PLXNA4: variants seen among roughly 807,000 people sequenced by gnomAD.
The protein encoded by PLXNA4 is plexin A4, also known as plexin-A4.
In PLXNA4, 44 loss-of-function variants were observed where a neutral mutation model predicts 191.8. That is an observed-to-expected ratio of 0.23 (90% CI 0.18 to 0.29). The LOEUF is 0.29. PLXNA4 is among the 10% of genes least tolerant of loss of function. The probability of loss-of-function intolerance (pLI) is 1.00; values close to 1 mark genes in which losing one functional copy is unlikely to be tolerated. For missense variants in PLXNA4, 1,800 were observed against 2,488.8 expected, an observed-to-expected ratio of 0.72 and a Z score of 5.89; for synonymous variants, 1,082 against 1,009.5, an observed-to-expected ratio of 1.07 and a Z score of -1.36.
chr7:132,429,245 G>T (rs1795173232), intron 3 of PLXNA4, among the ~76,000 whole-genome samples: 1 of 152,204 alleles, frequency 6.6e-6, no homozygotes, highest in South Asian at 2.1e-4. Context: ...TCCATGTGCA[G>T]GCTCCTTAAC....
At chr7:132,277,218 TG>T (rs1461785591) in intron 4 of PLXNA4, among the ~76,000 whole-genome samples, 1 of 152,140 alleles carries the variant, frequency 6.6e-6, no homozygotes, top group Non-Finnish European at 1.5e-5. Flanking sequence ...GTGGCTTAAG[TG>T]GGGGAAGCTG....
chr7:132,529,671 T>A (rs1402726885), intron 1 of PLXNA4, among the ~76,000 whole-genome samples: 10 of 150,340 alleles, frequency 6.7e-5, no homozygotes, highest in Non-Finnish European at 2.9e-5. Flanking sequence ...AGTGGTGCGA[T>A]CTCGGCTCAC....
intron 1 of PLXNA4, among the ~76,000 whole-genome samples, chr7:132,552,064 C>G (rs1043644859): frequency 6.6e-6 from 1 of 152,156 alleles, no homozygotes; most frequent in African/African-American, 2.4e-5. Context: ...ATCAATGCTG[C>G]ACATGCAGCC....
Position 132,202,737 on chromosome 7 carries a change from C to T in PLXNA4, c.2495G>A (p.Cys832Tyr). The T allele has an allele frequency of 6.2e-7, 1 of 1,610,894 alleles. No individual in the cohort carries two copies. Among genetic ancestry groups the T allele is most frequent in the Admixed American group, 1.7e-5 (1 of 59,690 alleles). ...GGCAGGGCAGTGCTGGCGCAGGGTGCACTGGCCTGGGCCCTGGCACCAGCC... is the reference window on the plus strand; with the variant it reads ...GGCAGGGCAGTGCTGGCGCAGGGTGTACTGGCCTGGGCCCTGGCACCAGCC... ...ACGWCQGPGQ[C>Y]TLRQHCPAQE... Residue 832 changes from cysteine (C) to tyrosine (Y), a missense_variant, in exon 12 of 32, where the codon TGC becomes TAC. Cys to Tyr is a radical substitution (Grantham distance 194). This residue lies in a region of PLXNA4 where 1,397 missense variants were observed against 1,880.4 expected (regional missense o/e 0.74). Transcript: ENST00000321063.
chr7:132,177,952 C>A (rs577578695), intron 20 of PLXNA4, among the ~76,000 whole-genome samples: 2 of 152,242 alleles, frequency 1.3e-5, no homozygotes, highest in South Asian at 2.1e-4. Flanking sequence ...AGGTATGGGG[C>A]CGGATTTACT....
chr7:132,459,434 A>G (rs555283290), intron 3 of PLXNA4, among the ~76,000 whole-genome samples: 1 of 152,338 alleles, frequency 6.6e-6, no homozygotes, highest in African/African-American at 2.4e-5. Context: ...GATTGGCAGT[A>G]GGAGAGGAAC....
intron 4 of PLXNA4, among the ~76,000 whole-genome samples, chr7:132,250,511 A>C (rs1336057546): frequency 1.3e-5 from 2 of 152,154 alleles, no homozygotes; most frequent in Non-Finnish European, 2.9e-5. Flanking sequence ...TCTTAGTGTA[A>C]AGGTTAAATC....
chr7:132,226,218 G>C lies in PLXNA4; in HGVS notation c.1925C>G (p.Thr642Ser). ...GCTGGTGCTGGCGAAGGTCATGCCG[G>C]TCTCCTTTGATTTGAGCTGAAGCTG... is the stretch of plus-strand genomic sequence containing the variant. ...VVQLQLKSKETGMTFASTSFV... is the reference protein window; with the variant it reads ...VVQLQLKSKESGMTFASTSFV... The change falls in exon 8 of 32, where the codon ACC (threonine) becomes AGC (serine). Residue 642 changes from threonine (T) to serine (S), a missense_variant. Around this residue, in one of 6 missense-constraint regions of PLXNA4, gnomAD observed 1,397 missense variants for 1,880.4 expected, o/e 0.74. Coordinates refer to ENST00000321063, the MANE Select transcript of PLXNA4 (RefSeq NM_020911.2). 6.2e-7 allele frequency: 1 copy of C among 1,613,930 alleles called. No homozygotes were observed.
chr7:132,177,402 A>G (rs1295217785), intron 20 of PLXNA4, among the ~76,000 whole-genome samples: 1 of 152,222 alleles, frequency 6.6e-6, no homozygotes, highest in African/African-American at 2.4e-5. Context: ...GGCTTGGGCC[A>G]GTGCAGCCCT....
At chr7:132,394,919 G>T (rs1793688856) in intron 3 of PLXNA4, among the ~76,000 whole-genome samples, 1 of 152,214 alleles carries the variant, frequency 6.6e-6, no homozygotes, top group African/African-American at 2.4e-5. Flanking sequence ...CACCAGTCAG[G>T]TGAGCCGTGG....
At chr7:132,232,389 C>T (rs964995161) in intron 5 of PLXNA4, among the ~76,000 whole-genome samples, 1 of 152,168 alleles carries the variant, frequency 6.6e-6, no homozygotes, top group Non-Finnish European at 1.5e-5. Context: ...TGACATTCTT[C>T]TCTGCATGCC....
At chr7:132,536,060 C>T (rs1448739854) in intron 1 of PLXNA4, among the ~76,000 whole-genome samples, 3 of 152,202 alleles carry the variant, frequency 2.0e-5, no homozygotes, top group African/African-American at 7.2e-5. Context: ...AACTTACCTT[C>T]GTCTTATGAC....
In PLXNA4 at chr7:132,596,610, T is replaced by C. The variant is rs1188060351; in HGVS notation, c.-87+49318A>G. On this transcript the variant is annotated intron_variant, in intron 2 of 4. Transcript: ENST00000378539. ...TTTAATTAAAAAGTTACGGAAGTTG[T>C]CTTTACTTCTGAAAAATGCATTTAT... Among the ~76,000 whole-genome samples the C allele has an allele frequency of 2.0e-5, 3 of 152,240 alleles. No homozygotes were observed. The East Asian group carries it at 5.8e-4, about 29-fold the overall frequency.
intron 5 of PLXNA4, among the ~76,000 whole-genome samples, chr7:132,234,363 T>A (rs1175438204): frequency 1.3e-5 from 2 of 152,150 alleles, no homozygotes; most frequent in East Asian, 1.9e-4. Flanking sequence ...GGCTGCTCCA[T>A]CCTATGTGGC....
chr7:132,305,970 T>C (rs746956797), intron 3 of PLXNA4, among the ~76,000 whole-genome samples: 1 of 151,652 alleles, frequency 6.6e-6, no homozygotes, highest in African/African-American at 2.4e-5. Flanking sequence ...GGCAGGGAAA[T>C]AGAGCTGGAA....
chr7:132,609,893 T>C (rs1312820433), intron 2 of PLXNA4, among the ~76,000 whole-genome samples: 1 of 152,190 alleles, frequency 6.6e-6, no homozygotes, highest in East Asian at 1.9e-4. Context: ...TTTATTTACC[T>C]TATATGGTGA....
intron 2 of PLXNA4, among the ~76,000 whole-genome samples, chr7:132,634,271 T>G (rs1217187977): frequency 1.3e-5 from 2 of 152,144 alleles, no homozygotes; most frequent in African/African-American, 2.4e-5. Context: ...AACTGCATGC[T>G]TTTTACAAAC....
chr7:132,182,769 C>G (rs1168342300), intron 16 of PLXNA4, among the ~76,000 whole-genome samples: 1 of 152,182 alleles, frequency 6.6e-6, no homozygotes, highest in Non-Finnish European at 1.5e-5. Flanking sequence ...TGCTTTTGGA[C>G]TCGGGTCTCC....
chr7:132,579,563 G>A (rs947826486), upstream of PLXNA4, among the ~76,000 whole-genome samples: 4 of 145,090 alleles, frequency 2.8e-5, no homozygotes, highest in African/African-American at 1.1e-4. Flanking sequence ...AATAAAATGT[G>A]TTTATTATTC....
Sources: gnomAD v4.1 joint callset for allele counts (sites outside exome capture counted in the v4.1 genomes callset) on GRCh38, gnomAD v4.1.1 for gene constraint, gnomAD v4.1.1 regional missense constraint, MANE v1.5 for transcripts, NCBI Gene and HGNC (gene_info 2026-07-23, HGNC 2026-07-21) for gene names.